NHS: variants seen among roughly 807,000 people sequenced by gnomAD.
NHS encodes actin remodeling regulator NHS.
In NHS, 5 loss-of-function variants were observed where a neutral mutation model predicts 72.5. That is an observed-to-expected ratio of 0.07 (90% CI 0.04 to 0.14). The LOEUF (loss-of-function observed/expected upper bound fraction) is 0.14. NHS is among the 10% of genes least tolerant of loss of function. NHS has a pLI of 1.00. For synonymous variants in NHS, 464 were observed against 547.7 expected (o/e 0.85, Z 2.13); for missense variants, 1,072 against 1,355.7 (o/e 0.79, Z 3.29).
At chrX:17,429,304 A>G (rs747330546) in intron 1 of NHS, among the ~76,000 whole-genome samples, 6 of 110,510 alleles carry the variant, frequency 5.4e-5, no homozygotes, top group Non-Finnish European at 9.5e-5. Context: ...GCAGACCTGC[A>G]ATGTTTTCCA....
chrX:17,658,287 T>G (rs1045188353), intron 1 of NHS, among the ~76,000 whole-genome samples: 1 of 112,716 alleles, frequency 8.9e-6, no homozygotes, highest in Non-Finnish European at 1.9e-5. Context: ...ATTTTTATTT[T>G]TTTTGGCAAG....
At chrX:17,429,540 A>G (rs1035855716) in intron 1 of NHS, among the ~76,000 whole-genome samples, 1 of 111,348 alleles carries the variant, frequency 9.0e-6, no homozygotes, top group African/African-American at 3.3e-5. Flanking sequence ...TCTGTTAGGC[A>G]TGTGTCCTAC....
In NHS at chrX:17,381,325, A is replaced by C. The variant is rs181574809; in HGVS notation, c.565+5003A>C. ...TTAAAGTTTAACATTCCCACAGAAA[A>C]GCGCACAGACCATAAGTGTTCGTCT... is the stretch of plus-strand genomic sequence containing the variant. On this transcript the variant is annotated intron_variant, in intron 1 of 8. Transcript: ENST00000676302. Among the ~76,000 whole-genome samples, 415 of 111,910 alleles carry C rather than the reference A, an allele frequency of 3.7e-3. 2 individuals are homozygous for C. The highest frequency in any genetic ancestry group is 3.9e-3 in the Non-Finnish European group (210 of 53,223).
chrX:17,502,141 A>AT (rs2084807061), intron 1 of NHS, among the ~76,000 whole-genome samples: 1 of 111,282 alleles, frequency 9.0e-6, no homozygotes, highest in Non-Finnish European at 1.9e-5. Flanking sequence ...GGTCTCCTCC[A>AT]TTTTTTTCTT....
chrX:17,563,526 A>T, intron 1 of NHS, among the ~76,000 whole-genome samples: 1 of 112,536 alleles, frequency 8.9e-6, no homozygotes, highest in Admixed American at 9.4e-5. Context: ...CAATTAATTG[A>T]CTTGAAGCTG....
intron 1 of NHS, among the ~76,000 whole-genome samples, chrX:17,665,734 G>A (rs977516095): frequency 1.3e-4 from 15 of 111,531 alleles, no homozygotes; most frequent in African/African-American, 4.2e-4. Flanking sequence ...TATGTAAATT[G>A]GTATTATTTC....
At position 17,728,199 on chromosome X, in the gene NHS, T is replaced by C. The variant is rs1440769140; in HGVS notation, c.4093T>C (p.Ser1365Pro). Residue 1365 changes from serine (S) to proline (P), a missense_variant, in exon 7 of 9, where the codon TCT becomes CCT. Ser to Pro is a moderately conservative substitution (Grantham distance 74). Coordinates refer to ENST00000676302, the MANE Select transcript of NHS (RefSeq NM_001291867.2). ...GTISYESEITSVNSFPEKCSK... is the reference protein window; with the variant it reads ...GTISYESEITPVNSFPEKCSK... ...TATCAGCTATGAATCGGAGATAACA[T>C]CTGTAAATTCATTCCCTGAAAAATG... The C allele has an allele frequency of 4.1e-6, 5 of 1,209,522 alleles. No individual in the cohort carries two copies. The highest frequency in any genetic ancestry group is 5.6e-6 in the Non-Finnish European group (5 of 894,960).
intron 1 of NHS, among the ~76,000 whole-genome samples, chrX:17,385,449 G>C (rs187887991): frequency 1.1e-4 from 12 of 111,979 alleles, no homozygotes; most frequent in African/African-American, 3.6e-4. Context: ...AGGAGGTGGA[G>C]GTTGCAGTAA....
At chrX:17,581,756 G>A (rs942329610) in intron 1 of NHS, among the ~76,000 whole-genome samples, 25 of 111,272 alleles carry the variant, frequency 2.2e-4, no homozygotes, top group African/African-American at 6.9e-4. Flanking sequence ...CTTCCCCTTC[G>A]TGGTGACTTG....
chrX:17,548,751 T>A (rs1034456146), intron 1 of NHS, among the ~76,000 whole-genome samples: 13 of 111,571 alleles, frequency 1.2e-4, no homozygotes, highest in Non-Finnish European at 2.1e-4. Context: ...CTCAGAGGAC[T>A]CACAGAAGCC....
At chrX:17,427,307 A>C (rs2064662035) in intron 1 of NHS, among the ~76,000 whole-genome samples, 1 of 111,930 alleles carries the variant, frequency 8.9e-6, no homozygotes, top group African/African-American at 3.3e-5. Context: ...GACTGACCAC[A>C]GACTTGGGCT....
intron 1 of NHS, among the ~76,000 whole-genome samples, chrX:17,463,731 A>G (rs1021130848): frequency 8.9e-6 from 1 of 112,135 alleles, no homozygotes; most frequent in Non-Finnish European, 1.9e-5. Flanking sequence ...TGTACTTAAT[A>G]TGTATACATG....
chrX:17,523,549 G>A (rs949902720), intron 1 of NHS, among the ~76,000 whole-genome samples: 5 of 112,045 alleles, frequency 4.5e-5, no homozygotes, highest in Non-Finnish European at 9.4e-5. Context: ...CAAGGCTCCT[G>A]ACAGTCCAGA....
At chrX:17,413,112 T>C (rs2064570308) in intron 1 of NHS, among the ~76,000 whole-genome samples, 1 of 112,093 alleles carries the variant, frequency 8.9e-6, no homozygotes, top group Non-Finnish European at 1.9e-5. Context: ...ATTTAGCGCT[T>C]GTGTGTGTGT....
chrX:17,474,848 A>G (rs1601722561), intron 1 of NHS, among the ~76,000 whole-genome samples: 2 of 111,336 alleles, frequency 1.8e-5, no homozygotes, highest in Non-Finnish European at 1.9e-5. Context: ...CACAGCATCC[A>G]CTATGACATC....
chrX:17,655,519 C>G (rs752888903), intron 1 of NHS, among the ~76,000 whole-genome samples: 1 of 112,438 alleles, frequency 8.9e-6, no homozygotes, highest in African/African-American at 3.2e-5. Context: ...CAGCTCACTG[C>G]GGCTGGCAGC....
rs137897184 is a variant in NHS at position 17,376,913 on chromosome X, T to C, written c.565+591T>C. 7.9e-3 allele frequency among the ~76,000 whole-genome samples: 897 copies of C among 113,189 alleles called. 10 individuals are homozygous for C. The highest frequency in any genetic ancestry group is 0.027 in the African/African-American group (857 of 31,211). On this transcript the variant is annotated intron_variant, in intron 1 of 8. Transcript: ENST00000676302. Reference sequence around the variant, plus strand: ...GCGACGTAGCGTGGCGCTGCTCGCCTCCTAGACTGAACTTCGTAGTGCTTC... The same window carrying C: ...GCGACGTAGCGTGGCGCTGCTCGCCCCCTAGACTGAACTTCGTAGTGCTTC...
At chrX:17,687,466 T>G (rs1173607781) in intron 1 of NHS, 4 of 373,502 alleles carry the variant, frequency 1.1e-5, no homozygotes, top group Non-Finnish European at 4.8e-6. Flanking sequence ...GTGCCAAGGG[T>G]GAGGAATGAA....
At chrX:17,652,269 T>A (rs887048103) in intron 1 of NHS, among the ~76,000 whole-genome samples, 18 of 112,755 alleles carry the variant, frequency 1.6e-4, no homozygotes, top group African/African-American at 5.8e-4. Flanking sequence ...AACATCAGTA[T>A]GTCGAAGAGA....
Sources: allele counts gnomAD v4.1 joint callset (sites outside exome capture counted in the v4.1 genomes callset), GRCh38; gene constraint gnomAD v4.1.1; transcripts MANE v1.5; gene names NCBI Gene and HGNC (gene_info 2026-07-23, HGNC 2026-07-21).